Variants in ERO1B observed in about 807,000 individuals in gnomAD.
ERO1B encodes the protein ERO1-like protein beta.
ERO1B carries 49 observed loss-of-function variants against 75.3 expected under a neutral mutation model. That is an observed-to-expected ratio of 0.65 (90% CI 0.52 to 0.83). ERO1B has a LOEUF of 0.83. Among genes scored for constraint, ERO1B ranks in the 40% least tolerant of loss-of-function variants. ERO1B has a pLI of 0.00. For missense variants in ERO1B, 512 were observed against 560.1 expected, an observed-to-expected ratio of 0.91 and a Z score of 0.87; for synonymous variants, 191 against 192.9, an observed-to-expected ratio of 0.99 and a Z score of 0.08.
chr1:236,229,204 T>C (rs890413555), intron 10 of ERO1B, among the ~76,000 whole-genome samples: 1 of 152,096 alleles, frequency 6.6e-6, no homozygotes, highest in Non-Finnish European at 1.5e-5. Context: ...GGTGGGCAGA[T>C]CACTTGAGGC....
rs183709561 is a variant in ERO1B, at chr1:236,277,172, G to C, written c.102+4510C>G. On this transcript the variant is annotated intron_variant, in intron 1 of 15. Transcript: ENST00000354619. ...TAATCCCAGCACTTTGGGAGGCCAA[G>C]GCAGGCAGATCACTTGAGGTCAGGA... Among the ~76,000 whole-genome samples the C allele has an allele frequency of 5.1e-3, 774 of 152,306 alleles. 14 individuals are homozygous for C. Among genetic ancestry groups the C allele is most frequent in the African/African-American group, 0.018 (750 of 41,560 alleles).
In ERO1B at chr1:236,281,941, C is replaced by T. The variant is rs1242795216; in HGVS notation, c.-158G>A. ...CGGAGGCAGGCGACTCTTTCCCCAA[C>T]ACCCGGCAGCTGCGAGTGAGGCAGG... On this transcript the variant is annotated 5_prime_UTR_variant, in exon 1 of 16. Coordinates refer to ENST00000354619, the MANE Select transcript of ERO1B (RefSeq NM_019891.4). 2.3e-6 allele frequency: 1 copy of T among 431,578 alleles called. No individual in the cohort carries two copies. The highest frequency in any genetic ancestry group is 2.0e-5 in the African/African-American group (1 of 49,106). 26.7% of individuals were successfully genotyped at this position (431,578 alleles called of 1,614,324 possible).
intron 2 of ERO1B, among the ~76,000 whole-genome samples, chr1:236,264,199 C>T (rs933171635): frequency 3.3e-5 from 5 of 152,172 alleles, no homozygotes; most frequent in Non-Finnish European, 4.4e-5. Flanking sequence ...CTCCTGGGTT[C>T]AAGCAATTCT....
intron 10 of ERO1B, among the ~76,000 whole-genome samples, chr1:236,229,773 C>T (rs1572034352): frequency 1.3e-5 from 2 of 152,134 alleles, no homozygotes; most frequent in Non-Finnish European, 2.9e-5. Context: ...ATTGCTTTAT[C>T]TTTTAATCAG....
At chr1:236,238,484 A>C (rs1664598566) in intron 6 of ERO1B, among the ~76,000 whole-genome samples, 1 of 149,914 alleles carries the variant, frequency 6.7e-6, no homozygotes, top group Non-Finnish European at 1.5e-5. Context: ...GCTGCAGTGA[A>C]CTATGATGGC....
At chr1:236,268,332 C>T (rs558989951) in intron 2 of ERO1B, among the ~76,000 whole-genome samples, 89 of 151,896 alleles carry the variant, frequency 5.9e-4, no homozygotes, top group Non-Finnish European at 5.4e-4. Context: ...CCCAGCTACT[C>T]GGGAGGCTGA....
At chr1:236,233,950 G>A (rs530823245) in intron 8 of ERO1B, among the ~76,000 whole-genome samples, 19 of 152,236 alleles carry the variant, frequency 1.2e-4, no homozygotes, top group South Asian at 6.2e-4. Flanking sequence ...TTATTATGTA[G>A]GTTCTGAAAT....
intron 9 of ERO1B, among the ~76,000 whole-genome samples, chr1:236,230,603 C>A (rs1205738585): frequency 8.5e-5 from 11 of 128,804 alleles, no homozygotes; most frequent in African/African-American, 2.7e-4. Context: ...CAGAGTGAGA[C>A]CCTGTCTCAA....
Position 236,236,266 on chromosome 1 carries a change from C to A in ERO1B, c.626+12G>T. The stretch of plus-strand genomic sequence containing the variant: ...ATCAGTCGTTCCTTCTTCCCCCACC[C>A]CCTCCAGTTACTTGAAACAGTTCTC... On this transcript the variant is annotated intron_variant, in intron 7 of 15. Transcript: ENST00000354619. 1 of 1,613,586 alleles carries A rather than the reference C, an allele frequency of 6.2e-7. No homozygotes were observed. Among genetic ancestry groups the A allele is most frequent in the Non-Finnish European group, 8.5e-7 (1 of 1,179,718 alleles).
In ERO1B at chr1:236,222,935, G is replaced by T. The variant is rs188543797; in HGVS notation, c.1123-925C>A. ...TAGTTTCCCACACTGGTCAGGCAGG[G>T]TGGCTCACGCCTGTAATCCCAGCAC... On this transcript the variant is annotated intron_variant, in intron 13 of 15. Coordinates refer to ENST00000354619, the MANE Select transcript of ERO1B (RefSeq NM_019891.4). 2.6e-3 allele frequency among the ~76,000 whole-genome samples: 394 copies of T among 152,216 alleles called. 9 individuals are homozygous for T. Among genetic ancestry groups the T allele is most frequent in the Admixed American group, 0.024 (367 of 15,278 alleles).
intron 5 of ERO1B, among the ~76,000 whole-genome samples, chr1:236,244,555 AT>A: frequency 6.6e-6 from 1 of 152,364 alleles, no homozygotes; most frequent in East Asian, 1.9e-4. Flanking sequence ...GATAGATCTT[AT>A]GTTGAAAGTA....
intron 10 of ERO1B, 36 bp from the exon 11 acceptor site, chr1:236,226,775 A>G (rs1462782029): frequency 1.3e-6 from 2 of 1,492,600 alleles, no homozygotes; most frequent in Non-Finnish European, 1.8e-6. Flanking sequence ...AATTACACCT[A>G]TTTAGATATC....
chr1:236,269,359 C>T (rs190477088), intron 2 of ERO1B, among the ~76,000 whole-genome samples: 10 of 152,262 alleles, frequency 6.6e-5, no homozygotes, highest in Admixed American at 5.2e-4. Flanking sequence ...AAAGTATCAC[C>T]GGTTATTTTG....
intron 2 of ERO1B, among the ~76,000 whole-genome samples, chr1:236,266,066 TTTA>T (rs1241489852): frequency 2.6e-5 from 4 of 152,240 alleles, no homozygotes; most frequent in African/African-American, 4.8e-5. Flanking sequence ...GAAATTATAT[TTTA>T]TTGTTTACTT....
chr1:236,278,467 CG>C (rs1665755987), intron 1 of ERO1B, among the ~76,000 whole-genome samples: 1 of 151,992 alleles, frequency 6.6e-6, no homozygotes, highest in African/African-American at 2.4e-5. Flanking sequence ...TGGGCAGACA[CG>C]GGGTTATTTC....
intron 3 of ERO1B, among the ~76,000 whole-genome samples, chr1:236,252,590 G>A (rs1035026860): frequency 1.3e-5 from 2 of 152,144 alleles, no homozygotes; most frequent in African/African-American, 4.8e-5. Context: ...TTTACCAATG[G>A]GAGAAGTGCA....
chr1:236,223,150 C>T (rs1307294732), intron 13 of ERO1B, among the ~76,000 whole-genome samples: 1 of 145,408 alleles, frequency 6.9e-6, no homozygotes, highest in African/African-American at 2.6e-5. Context: ...TGCAGTGAGC[C>T]AAGATCGCAC....
chr1:236,244,828 G>A (rs746991246), intron 5 of ERO1B, among the ~76,000 whole-genome samples: 10 of 150,352 alleles, frequency 6.7e-5, no homozygotes, highest in Middle Eastern at 3.2e-3. Flanking sequence ...TTTTCCAAAT[G>A]TCAGTTTGAA....
At chr1:236,225,214 T>G (rs1572030863) in intron 12 of ERO1B, 75 bp from the exon 13 acceptor site, 1 of 1,370,978 alleles carries the variant, frequency 7.3e-7, no homozygotes, top group East Asian at 2.3e-5. Flanking sequence ...CTGATAAAAT[T>G]TTCTATCCTT....
Sources: allele counts gnomAD v4.1 joint callset (sites outside exome capture counted in the v4.1 genomes callset), GRCh38; gene constraint gnomAD v4.1.1; transcripts MANE v1.5; gene names NCBI Gene and HGNC (gene_info 2026-07-23, HGNC 2026-07-21).